Variants in HECW1 observed in about 807,000 individuals in gnomAD.
HECW1 encodes E3 ubiquitin-protein ligase HECW1.
A neutral mutation model predicts 182.3 loss-of-function variants in HECW1; 61 were observed. The observed-to-expected ratio is 0.33, with a 90% CI of 0.27 to 0.41. HECW1 has a LOEUF of 0.41. HECW1 is among the 10% of genes least tolerant of loss of function. HECW1 has a pLI of 1.00. For synonymous variants in HECW1, 859 were observed against 832.6 expected (o/e 1.03, Z -0.55); for missense variants, 1,739 against 2,108.9 (o/e 0.82, Z 3.44).
intron 2 of HECW1, among the ~76,000 whole-genome samples, chr7:43,218,574 C>T (rs2152701019): frequency 6.6e-6 from 1 of 152,308 alleles, no homozygotes; most frequent in South Asian, 2.1e-4. Context: ...GTATAGATCA[C>T]AGTGTCTTGG....
chr7:43,470,884 A>G (rs1170639996), intron 16 of HECW1, among the ~76,000 whole-genome samples: 1 of 152,206 alleles, frequency 6.6e-6, no homozygotes, highest in African/African-American at 2.4e-5. Context: ...GCAATGTATT[A>G]CCACAGTCCA....
At chr7:43,224,071 G>A (rs370572941) in intron 2 of HECW1, among the ~76,000 whole-genome samples, 34 of 152,130 alleles carry the variant, frequency 2.2e-4, no homozygotes, top group African/African-American at 8.0e-4. Flanking sequence ...TTTATTCGTT[G>A]CCTGTCTTCT....
intron 5 of HECW1, among the ~76,000 whole-genome samples, chr7:43,357,193 C>T (rs1417414607): frequency 6.6e-6 from 1 of 152,124 alleles, no homozygotes; most frequent in African/African-American, 2.4e-5. Context: ...AAAAATAGAA[C>T]TACCATATGA....
chr7:43,305,950 G>A (rs1183960585), intron 3 of HECW1, among the ~76,000 whole-genome samples: 4 of 152,044 alleles, frequency 2.6e-5, no homozygotes, highest in African/African-American at 9.7e-5. Context: ...AGTAGAGACG[G>A]GGTTTCTCCA....
rs116911703 is a variant in HECW1 at position 43,496,454 on chromosome 7, G to T, written c.3437+3274G>T. On this transcript the variant is annotated intron_variant, in intron 19 of 29. Transcript: ENST00000395891. ...AGCAGAAAGCAAAGAGCAAGAACTT[G>T]TTCTTCAGGAGGTCAAGCTTAAGAG... Among the ~76,000 whole-genome samples the T allele has an allele frequency of 2.9e-3, 434 of 152,212 alleles. 6 individuals are homozygous for T. The East Asian group carries it at 0.035, about 12-fold the overall frequency.
At chr7:43,485,845 C>T (rs138177990) in intron 17 of HECW1, among the ~76,000 whole-genome samples, 1 of 152,262 alleles carries the variant, frequency 6.6e-6, no homozygotes, top group African/African-American at 2.4e-5. Context: ...ACACTGCACA[C>T]TTAGGCTACA....
chr7:43,362,432 C>T (rs945589351), intron 6 of HECW1, among the ~76,000 whole-genome samples: 4 of 152,176 alleles, frequency 2.6e-5, no homozygotes, highest in African/African-American at 4.8e-5. Flanking sequence ...GTGCTTTTGA[C>T]GGCTTCGCTG....
intron 13 of HECW1, among the ~76,000 whole-genome samples, chr7:43,461,694 G>T (rs997140876): frequency 6.6e-6 from 1 of 152,018 alleles, no homozygotes; most frequent in African/African-American, 2.4e-5. Context: ...CAGATGTACG[G>T]GGTGGTGAAT....
chr7:43,346,062 A>T (rs552406876), intron 5 of HECW1, among the ~76,000 whole-genome samples: 1 of 152,288 alleles, frequency 6.6e-6, no homozygotes, highest in South Asian at 2.1e-4. Flanking sequence ...TCTTTAAGGA[A>T]TTGCCACACT....
At position 43,525,198 on chromosome 7, in the gene HECW1, T is replaced by C. The variant is rs555155884; in HGVS notation, c.4020-15965T>C. On this transcript the variant is annotated intron_variant, in intron 24 of 29. Coordinates refer to ENST00000395891, the MANE Select transcript of HECW1 (RefSeq NM_015052.5). The stretch of plus-strand genomic sequence containing the variant: ...CCCAATAATCGGTCGGAATATGTGG[T>C]CAGCATCATGGCTGAGAAATTTTTA... Among the ~76,000 whole-genome samples the C allele has an allele frequency of 3.9e-5, 6 of 152,314 alleles. No individual in the cohort carries two copies. In the South Asian group the frequency reaches 1.2e-3, roughly 32 times the overall value.
At chr7:43,542,021 A>G in intron 26 of HECW1, 23 bp downstream of exon 26, 1 of 1,466,276 alleles carries the variant, frequency 6.8e-7, no homozygotes, top group South Asian at 1.6e-5. Flanking sequence ...TGGGGTTTGG[A>G]AAAGGGATTT....
At chr7:43,269,820 G>C (rs1193368380) in intron 3 of HECW1, among the ~76,000 whole-genome samples, 1 of 152,220 alleles carries the variant, frequency 6.6e-6, no homozygotes, top group Non-Finnish European at 1.5e-5. Context: ...AATTGGCAAT[G>C]TCTGGAGGCA....
intron 2 of HECW1, among the ~76,000 whole-genome samples, chr7:43,213,407 T>C (rs537118698): frequency 6.6e-6 from 1 of 151,740 alleles, no homozygotes; most frequent in East Asian, 1.9e-4. Context: ...CTGGAAGAAA[T>C]GGTTTAACAC....
At chr7:43,313,354 T>TTTTTA (rs1808778084) in intron 4 of HECW1, among the ~76,000 whole-genome samples, 1 of 150,790 alleles carries the variant, frequency 6.6e-6, no homozygotes, top group African/African-American at 2.4e-5. Flanking sequence ...TTTTTTTTTT[T>TTTTTA]GAGATGGAGT....
chr7:43,139,756 C>T (rs762498742), intron 2 of HECW1, among the ~76,000 whole-genome samples: 2 of 152,052 alleles, frequency 1.3e-5, no homozygotes, highest in Admixed American at 1.3e-4. Context: ...AGTTTGGTTT[C>T]GTTTCTCTTA....
chr7:43,460,523 C>T (rs1005371991), intron 13 of HECW1, among the ~76,000 whole-genome samples: 2 of 151,528 alleles, frequency 1.3e-5, no homozygotes, highest in Admixed American at 6.6e-5. Flanking sequence ...TGGCTTTGTA[C>T]GTGTGTGTGC....
intron 17 of HECW1, chr7:43,484,424 A>G (rs2078552514): frequency 6.6e-6 from 1 of 152,242 alleles, no homozygotes; most frequent in South Asian, 2.1e-4. Flanking sequence ...GGTTATTTCC[A>G]TAATCCATTA....
At chr7:43,434,561 C>T (rs1324062923) in intron 8 of HECW1, among the ~76,000 whole-genome samples, 2 of 152,206 alleles carry the variant, frequency 1.3e-5, no homozygotes, top group Non-Finnish European at 2.9e-5. Flanking sequence ...GCTTGAGGCT[C>T]ATGGGTGCAA....
chr7:43,466,092 G>T (rs2077765679), intron 14 of HECW1, among the ~76,000 whole-genome samples: 1 of 139,904 alleles, frequency 7.1e-6, no homozygotes, highest in African/African-American at 2.7e-5. Context: ...AGAGAAGAAA[G>T]AGAAAGAAGG....
Sources: allele counts gnomAD v4.1 joint callset (sites outside exome capture counted in the v4.1 genomes callset), GRCh38; gene constraint gnomAD v4.1.1; transcripts MANE v1.5; gene names NCBI Gene and HGNC (gene_info 2026-07-23, HGNC 2026-07-21).